CD2AP: variants seen among roughly 807,000 people sequenced by gnomAD.
CD2AP encodes the protein CD2-associated protein.
CD2AP carries 46 observed loss-of-function variants against 85.1 expected under a neutral mutation model. The ratio of observed to expected loss-of-function variants is 0.54; its 90% confidence interval spans 0.43 to 0.69. CD2AP has a LOEUF of 0.69. CD2AP is among the 30% of genes least tolerant of loss of function. The pLI is 0.00. For missense variants in CD2AP, 769 were observed against 729.5 expected (o/e 1.05, Z -0.62); for synonymous variants, 255 against 252.9 (o/e 1.01, Z -0.08).
chr6:47,494,927 A>G (rs930049598), intron 1 of CD2AP, among the ~76,000 whole-genome samples: 7 of 152,204 alleles, frequency 4.6e-5, no homozygotes, highest in Admixed American at 4.6e-4. Context: ...TTGGGAGGCC[A>G]AATTGGAGGA....
chr6:47,557,144 T>C (rs1174107976), intron 5 of CD2AP, among the ~76,000 whole-genome samples: 1 of 151,500 alleles, frequency 6.6e-6, no homozygotes, highest in Non-Finnish European at 1.5e-5. Context: ...TGTCTGTTCA[T>C]AGCCTTTGCC....
At chr6:47,570,027 CG>C (rs1194663266) in intron 5 of CD2AP, among the ~76,000 whole-genome samples, 1 of 152,058 alleles carries the variant, frequency 6.6e-6, no homozygotes, top group Non-Finnish European at 1.5e-5. Context: ...TTAAAACACC[CG>C]CACCCACACC....
chr6:47,493,779 G>A (rs1299004917), intron 1 of CD2AP, among the ~76,000 whole-genome samples: 1 of 151,876 alleles, frequency 6.6e-6, no homozygotes, highest in African/African-American at 2.4e-5. Context: ...TTGCATTTCA[G>A]TTTGGAAAAT....
At chr6:47,607,467 A>G (rs969224155) in intron 14 of CD2AP, among the ~76,000 whole-genome samples, 1 of 152,040 alleles carries the variant, frequency 6.6e-6, no homozygotes, top group African/African-American at 2.4e-5. Context: ...AGTATTTGCT[A>G]TTACCTATCT....
At chr6:47,497,598 A>G (rs911708581) in intron 1 of CD2AP, among the ~76,000 whole-genome samples, 3 of 152,006 alleles carry the variant, frequency 2.0e-5, no homozygotes, top group Non-Finnish European at 4.4e-5. Context: ...GTATTTTTGT[A>G]GAGATGGGGG....
chr6:47,497,625 G>C (rs9367283), intron 1 of CD2AP, among the ~76,000 whole-genome samples: 47,707 of 151,906 alleles, frequency 0.31, 8,648 homozygotes, highest in Middle Eastern at 0.52. Flanking sequence ...TGTTGCCCAG[G>C]CTGGTCTTGA....
rs9473135 is a variant in CD2AP, at chr6:47,599,281, G to A, written c.1275-20G>A. On this transcript the variant is annotated intron_variant, in intron 12 of 17. Coordinates refer to ENST00000359314, the MANE Select transcript of CD2AP (RefSeq NM_012120.3). ...CGTGTTTCATACTAGTGATTTTTGC[G>A]TGTTTTTTTCTTATTTCAGGATTAA... is the stretch of plus-strand genomic sequence containing the variant. 7.2e-3 allele frequency: 11,580 copies of A among 1,607,680 alleles called. 409 individuals carry two copies. The African/African-American group carries it at 0.095, about 13-fold the overall frequency.
At chr6:47,493,353 T>G (rs1765780657) in intron 1 of CD2AP, among the ~76,000 whole-genome samples, 1 of 38,708 alleles carries the variant, frequency 2.6e-5, no homozygotes, top group Admixed American at 3.2e-4. Context: ...TCTAGGTTGG[T>G]GTTTTTTTTT....
chr6:47,596,136 T>A (rs989193559), intron 12 of CD2AP, 110 bp downstream of exon 12: 22 of 790,452 alleles, frequency 2.8e-5, no homozygotes, highest in Non-Finnish European at 4.5e-5. Flanking sequence ...TTTTCAGTTA[T>A]ATTTATTTTT....
intron 5 of CD2AP, among the ~76,000 whole-genome samples, chr6:47,565,883 T>G (rs996746327): frequency 3.3e-5 from 5 of 152,190 alleles, no homozygotes; most frequent in African/African-American, 1.2e-4. Context: ...TGCATTTCAC[T>G]TAGACTAAAA....
Position 47,535,620 on chromosome 6 carries a change from C to T in CD2AP, c.319+1865C>T, listed in dbSNP as rs967633252. Among the ~76,000 whole-genome samples, 6 of 152,224 alleles carry T rather than the reference C, an allele frequency of 3.9e-5. No homozygotes were observed. The East Asian group carries it at 1.2e-3, about 29-fold the overall frequency. Reference sequence around the variant, plus strand: ...TTGTTTCTCAAGGAAATACAATATCCAGGGAATATTTGCATATTATATATA... The same window carrying T: ...TTGTTTCTCAAGGAAATACAATATCTAGGGAATATTTGCATATTATATATA... On this transcript the variant is annotated intron_variant, in intron 3 of 17. Transcript: ENST00000359314.
At chr6:47,595,370 C>T (rs186107686) in intron 11 of CD2AP, among the ~76,000 whole-genome samples, 19 of 152,010 alleles carry the variant, frequency 1.2e-4, no homozygotes, top group Non-Finnish European at 2.5e-4. Context: ...AGCAGTCTTG[C>T]CCTAGTTTCT....
chr6:47,519,438 G>A (rs999054259), intron 2 of CD2AP, among the ~76,000 whole-genome samples: 2 of 152,162 alleles, frequency 1.3e-5, no homozygotes, highest in Non-Finnish European at 2.9e-5. Flanking sequence ...ACAGGAGTAC[G>A]GCCTTTGGAA....
chr6:47,576,569 A>G lies in CD2AP; in HGVS notation c.775A>G (p.Ile259Val), dbSNP rs935665835. The change falls in exon 7 of 18, where the codon ATA becomes GTA. Residue 259 changes from isoleucine to valine, a missense_variant. Transcript: ENST00000359314. ...GGGACCCAAAACTCAGAGTGTGGAGATAACAAAAACAGATACCGAAGGTAA... is the reference window on the plus strand; with the variant it reads ...GGGACCCAAAACTCAGAGTGTGGAGGTAACAAAAACAGATACCGAAGGTAA... ...SLGPKTQSVE[I>V]TKTDTEGKIK... The G allele has an allele frequency of 6.2e-7, 1 of 1,612,828 alleles. No individual in the cohort carries two copies. The highest frequency in any genetic ancestry group is 1.3e-5 in the African/African-American group (1 of 74,922).
chr6:47,503,670 GT>G (rs1766057329), intron 2 of CD2AP, among the ~76,000 whole-genome samples: 1 of 152,156 alleles, frequency 6.6e-6, no homozygotes, highest in Admixed American at 6.5e-5. Context: ...GTATATGGTT[GT>G]GTGTATCTAC....
chr6:47,479,673 ATT>A (rs1765396263), intron 1 of CD2AP, among the ~76,000 whole-genome samples: 1 of 152,220 alleles, frequency 6.6e-6, no homozygotes, highest in Non-Finnish European at 1.5e-5. Flanking sequence ...ACTAAAGTTA[ATT>A]ACACAGTTCT....
chr6:47,556,829 G>A lies in CD2AP; in HGVS notation c.541+2063G>A, dbSNP rs148086371. ...TAGTAGAATTATTTATAATCCTTTGGGTGTATACCCAGTAATAGGATTGCT... is the reference window on the plus strand; with the variant it reads ...TAGTAGAATTATTTATAATCCTTTGAGTGTATACCCAGTAATAGGATTGCT... On this transcript the variant is annotated intron_variant, in intron 5 of 17. Transcript: ENST00000359314. Among the ~76,000 whole-genome samples, 566 of 152,138 alleles carry A rather than the reference G, an allele frequency of 3.7e-3. 3 individuals carry two copies. The highest frequency in any genetic ancestry group is 0.02 in the Middle Eastern group (6 of 294).
intron 6 of CD2AP, among the ~76,000 whole-genome samples, chr6:47,576,045 C>G (rs1239133341): frequency 6.6e-6 from 1 of 152,072 alleles, no homozygotes; most frequent in Non-Finnish European, 1.5e-5. Context: ...TTTAAGTTCT[C>G]AAGTGCTGTT....
At chr6:47,491,329 G>A (rs1285867298) in intron 1 of CD2AP, among the ~76,000 whole-genome samples, 2 of 151,420 alleles carry the variant, frequency 1.3e-5, no homozygotes, top group African/African-American at 2.4e-5. Context: ...CAGGAAATAA[G>A]TGGAACCATT....
Sources: gnomAD v4.1 joint callset for allele counts (sites outside exome capture counted in the v4.1 genomes callset) on GRCh38, gnomAD v4.1.1 for gene constraint, MANE v1.5 for transcripts, NCBI Gene and HGNC (gene_info 2026-07-23, HGNC 2026-07-21) for gene names.